Variants in SGMS1 observed in about 807,000 individuals in gnomAD.
SGMS1 encodes phosphatidylcholine:ceramide cholinephosphotransferase 1.
A neutral mutation model predicts 46.2 loss-of-function variants in SGMS1; 13 were observed. That is an observed-to-expected ratio of 0.28 (90% CI 0.18 to 0.45). SGMS1 has a LOEUF of 0.45. Among genes scored for constraint, SGMS1 ranks in the 20% least tolerant of loss-of-function variants. The probability of loss-of-function intolerance (pLI) is 1.00; values close to 1 mark genes in which losing one functional copy is unlikely to be tolerated. For missense variants in SGMS1, 324 were observed against 519.9 expected (o/e 0.62, Z 3.66); for synonymous variants, 203 against 187.8 (o/e 1.08, Z -0.66).
At chr10:50,322,838 C>CAA (rs58049533) in intron 8 of SGMS1, among the ~76,000 whole-genome samples, 1,159 of 50,528 alleles carry the variant, frequency 0.023, 60 homozygotes, top group African/African-American at 0.054. Context: ...GACTCCGTCT[C>CAA]AAAAAAAAAA....
intron 3 of SGMS1, among the ~76,000 whole-genome samples, chr10:50,511,874 A>G (rs1352536132): frequency 6.6e-6 from 1 of 152,152 alleles, no homozygotes; most frequent in Non-Finnish European, 1.5e-5. Flanking sequence ...TAATTTTGTC[A>G]TTAATCTCTA....
intron 1 of SGMS1, among the ~76,000 whole-genome samples, chr10:50,600,184 C>T (rs546870573): frequency 1.3e-5 from 2 of 152,304 alleles, no homozygotes; most frequent in Admixed American, 6.5e-5. Context: ...ATTACTTTTG[C>T]CAACTTTTCT....
At chr10:50,573,827 T>C (rs11006177) in intron 2 of SGMS1, among the ~76,000 whole-genome samples, 7,562 of 152,144 alleles carry the variant, frequency 0.05, 537 homozygotes, top group African/African-American at 0.16. Flanking sequence ...AAGATAAACA[T>C]ACAGATCAAT....
intron 2 of SGMS1, among the ~76,000 whole-genome samples, chr10:50,587,538 C>A (rs559958411): frequency 4.3e-4 from 66 of 152,174 alleles, no homozygotes; most frequent in Admixed American, 1.7e-3. Context: ...GAGGAAGAAT[C>A]GCTTGAACCC....
chr10:50,350,600 G>A (rs1847992221), intron 6 of SGMS1, among the ~76,000 whole-genome samples: 1 of 152,114 alleles, frequency 6.6e-6, no homozygotes, highest in Non-Finnish European at 1.5e-5. Flanking sequence ...CTAGGGACTT[G>A]GTGCCCTGTG....
chr10:50,585,291 C>A (rs549456109), intron 2 of SGMS1, among the ~76,000 whole-genome samples: 8 of 152,186 alleles, frequency 5.3e-5, no homozygotes, highest in Non-Finnish European at 1.2e-4. Flanking sequence ...TTAGTAAGCA[C>A]TTCAAAACTC....
intron 6 of SGMS1, among the ~76,000 whole-genome samples, chr10:50,402,370 T>C (rs2133543982): frequency 6.6e-6 from 1 of 152,300 alleles, no homozygotes; most frequent in South Asian, 2.1e-4. Context: ...TGGAGTCAAT[T>C]GCCTCCATAA....
chr10:50,365,242 G>T (rs1351949833), intron 6 of SGMS1, among the ~76,000 whole-genome samples: 1 of 61,724 alleles, frequency 1.6e-5, no homozygotes, highest in Non-Finnish European at 3.5e-5. Context: ...GACGGAGTGA[G>T]ACTCCATCTC....
intron 6 of SGMS1, among the ~76,000 whole-genome samples, chr10:50,399,538 C>T (rs1848899572): frequency 6.6e-6 from 1 of 152,064 alleles, no homozygotes; most frequent in African/African-American, 2.4e-5. Flanking sequence ...AGAAATATTT[C>T]CAGGACATAC....
intron 4 of SGMS1, among the ~76,000 whole-genome samples, chr10:50,462,219 C>T (rs1478295970): frequency 1.3e-5 from 2 of 152,120 alleles, no homozygotes; most frequent in African/African-American, 4.8e-5. Context: ...CTGATTGTGT[C>T]ACTGCACTCC....
intron 1 of SGMS1, among the ~76,000 whole-genome samples, chr10:50,616,680 A>G (rs1838801014): frequency 6.6e-6 from 1 of 152,204 alleles, no homozygotes; most frequent in Admixed American, 6.5e-5. Context: ...ATTTTAAAAG[A>G]TCTGTCCCAA....
chr10:50,311,362 T>C lies in SGMS1; in HGVS notation c.795A>G (p.Gly265=). 1.2e-6 allele frequency: 2 copies of C among 1,613,946 alleles called. No homozygotes were observed. The highest frequency in any genetic ancestry group is 1.7e-6 in the Non-Finnish European group (2 of 1,179,922). Reference sequence around the variant, plus strand: ...GAGAGCCAGTGATAGACAAGCCACCTCCAGCAATGAGCTTCATTATTCTTC... The same window carrying C: ...GAGAGCCAGTGATAGACAAGCCACCCCCAGCAATGAGCTTCATTATTCTTC... ...QLRRIMKLIA[G]GGLSITGSHN... Residue 265 remains glycine, a synonymous_variant, in exon 9 of 11, where the codon GGA becomes GGG. Transcript: ENST00000361781.
At chr10:50,476,781 A>C (rs1837431694) in intron 3 of SGMS1, among the ~76,000 whole-genome samples, 1 of 152,262 alleles carries the variant, frequency 6.6e-6, no homozygotes, top group Non-Finnish European at 1.5e-5. Context: ...ACTGCTCCAG[A>C]GGGTGCAAGC....
intron 8 of SGMS1, among the ~76,000 whole-genome samples, chr10:50,314,456 G>A (rs1847307375): frequency 6.6e-6 from 1 of 152,080 alleles, no homozygotes. Context: ...TCTACAATTT[G>A]GGAAGAATAT....
intron 5 of SGMS1, among the ~76,000 whole-genome samples, chr10:50,444,549 C>G (rs1276163439): frequency 6.6e-6 from 1 of 151,892 alleles, no homozygotes; most frequent in South Asian, 2.1e-4. Flanking sequence ...AATAAATATT[C>G]ATAGGGAAAG....
chr10:50,382,101 T>C (rs1848615386), intron 6 of SGMS1, among the ~76,000 whole-genome samples: 1 of 152,212 alleles, frequency 6.6e-6, no homozygotes, highest in Admixed American at 6.5e-5. Context: ...TATACACATA[T>C]ATCTCTTTTA....
Position 50,500,256 on chromosome 10 carries a change from G to T in SGMS1, c.-498+19575C>A, listed in dbSNP as rs1041264226. 1.3e-5 allele frequency among the ~76,000 whole-genome samples: 2 copies of T among 152,084 alleles called. 1 individual carries two copies. Among genetic ancestry groups the T allele is most frequent in the Admixed American group, 1.3e-4 (2 of 15,276 alleles). ...ATCTTTAACTTGGAATTTTTATCAGGCTTCTCATTTAAATTCAAAGAATCT... is the reference window on the plus strand; with the variant it reads ...ATCTTTAACTTGGAATTTTTATCAGTCTTCTCATTTAAATTCAAAGAATCT... On this transcript the variant is annotated intron_variant, in intron 3 of 10. Transcript: ENST00000361781.
chr10:50,461,802 C>T (rs374948227), intron 4 of SGMS1, among the ~76,000 whole-genome samples: 12 of 152,316 alleles, frequency 7.9e-5, no homozygotes, highest in African/African-American at 2.9e-4. Context: ...CAATCCACTA[C>T]TCTCAATAGT....
chr10:50,459,117 A>G (rs1047372111), intron 5 of SGMS1, among the ~76,000 whole-genome samples: 2 of 152,212 alleles, frequency 1.3e-5, no homozygotes, highest in South Asian at 2.1e-4. Flanking sequence ...GTAGGACCAT[A>G]TTAGAAATAT....
Sources: allele counts gnomAD v4.1 joint callset (sites outside exome capture counted in the v4.1 genomes callset), GRCh38; gene constraint gnomAD v4.1.1; transcripts MANE v1.5; gene names NCBI Gene and HGNC (gene_info 2026-07-23, HGNC 2026-07-21).